The following MED17 variants were observed in gnomAD, a reference collection of about 807,000 sequenced individuals.
The protein encoded by MED17 is mediator of RNA polymerase II transcription subunit 17.
MED17 carries 49 observed loss-of-function variants against 80.8 expected under a neutral mutation model. That is an observed-to-expected ratio of 0.61 (90% CI 0.48 to 0.77). The LOEUF (loss-of-function observed/expected upper bound fraction) is 0.77, where lower values mean the gene tolerates loss of function less well. Among genes scored for constraint, MED17 ranks in the 30% least tolerant of loss-of-function variants. MED17 has a pLI of 0.00. For missense variants in MED17, 718 were observed against 787.0 expected, an observed-to-expected ratio of 0.91 and a Z score of 1.05; for synonymous variants, 281 against 280.4, an observed-to-expected ratio of 1.00 and a Z score of -0.02.
intron 1 of MED17, among the ~76,000 whole-genome samples, chr11:93,786,571 G>T (rs658797): frequency 0.56 from 84,552 of 151,658 alleles, 25,168 homozygotes; most frequent in East Asian, 0.75. Flanking sequence ...GATTCAAAAC[G>T]ATTCTCCCAC....
At chr11:93,806,717 C>T (rs1378056939) in intron 9 of MED17, 1 of 152,194 alleles carries the variant, frequency 6.6e-6, no homozygotes, top group African/African-American at 2.4e-5. Context: ...TACTAGGCAA[C>T]ATTGCTTATA....
intron 3 of MED17, among the ~76,000 whole-genome samples, chr11:93,791,700 C>A (rs1364226625): frequency 1.3e-5 from 2 of 151,244 alleles, no homozygotes. Context: ...TCAAAAAAAA[C>A]CCCAAAAAAA....
At chr11:93,796,607 C>T (rs1220196320) in intron 7 of MED17, 67 bp downstream of exon 7, 10 of 1,549,030 alleles carry the variant, frequency 6.5e-6, no homozygotes, top group Non-Finnish European at 8.9e-6. Flanking sequence ...ATGCACAAAG[C>T]TCCTCTCGTC....
In MED17 at chr11:93,803,995, GTGTGTATATATATATATATATATA is replaced by G. The variant is rs1943993288; in HGVS notation, c.1466+2025_1466+2048del. On this transcript the variant is annotated intron_variant, in intron 9 of 11. Transcript: ENST00000251871. ...TATGTGTGTGTGTGTGTATATATGT[GTGTGTATATATATATATATATATA>G]TATATATACACACACACATATACAC... 0.012 allele frequency among the ~76,000 whole-genome samples: 36 copies of G among 2,936 alleles called. No individual in the cohort carries two copies. The Admixed American group carries it at 0.18, about 15-fold the overall frequency. 1.9% of individuals were successfully genotyped at this position (2,936 alleles called of 152,430 possible). A position where few individuals can be genotyped will look rare whatever the true frequency, so the allele number is the denominator to read the frequency against.
In MED17 at chr11:93,801,909, A is replaced by G. The variant is rs751540459; in HGVS notation, c.1403A>G (p.Asn468Ser). The change falls in exon 9 of 12, where the codon AAT becomes AGT. Residue 468 changes from asparagine (N) to serine (S), a missense_variant. Physicochemically the swap from Asn to Ser is conservative, Grantham distance 46 (BLOSUM62 1). Coordinates refer to ENST00000251871, the MANE Select transcript of MED17 (RefSeq NM_004268.5). ...ATACAGGCTCATTGGTCAAATATCA[A>G]TGATGTTTATGAATCTAGTGTGAAA... is the stretch of plus-strand genomic sequence containing the variant. ...PQIQAHWSNINDVYESSVKVL... is the reference protein window; with the variant it reads ...PQIQAHWSNISDVYESSVKVL... 4 of 1,613,140 alleles carry G rather than the reference A, an allele frequency of 2.5e-6. No individual in the cohort carries two copies. The highest frequency in any genetic ancestry group is 2.2e-5 in the East Asian group (1 of 44,860).
intron 9 of MED17, among the ~76,000 whole-genome samples, chr11:93,803,656 C>T (rs1441126405): frequency 6.6e-6 from 1 of 152,022 alleles, no homozygotes; most frequent in African/African-American, 2.4e-5. Context: ...AAGCCTTTTG[C>T]CCTCCTACTG....
chr11:93,811,901 G>T lies in MED17; in HGVS notation c.1793G>T (p.Arg598Leu). ...SGSKIMVQFP[R>L]NQCKDLPKSD... ...AGCAAGATTATGGTTCAGTTTCCTCGTAACCAATGTAAAGACCTTCCAAAA... is the reference window on the plus strand; with the variant it reads ...AGCAAGATTATGGTTCAGTTTCCTCTTAACCAATGTAAAGACCTTCCAAAA... The change falls in exon 12 of 12, where the codon CGT becomes CTT. Residue 598 changes from arginine to leucine, a missense_variant. By Grantham distance (102) the Arg-to-Leu change is moderately radical. Coordinates refer to ENST00000251871, the MANE Select transcript of MED17 (RefSeq NM_004268.5). The T allele has an allele frequency of 6.2e-7, 1 of 1,613,974 alleles. No individual in the cohort carries two copies. Among genetic ancestry groups the T allele is most frequent in the South Asian group, 1.1e-5 (1 of 91,076 alleles).
At chr11:93,789,968 A>G (rs988409465) in intron 2 of MED17, among the ~76,000 whole-genome samples, 1 of 152,190 alleles carries the variant, frequency 6.6e-6, no homozygotes, top group Non-Finnish European at 1.5e-5. Context: ...AAAAGAAAAA[A>G]AGTTAATGCT....
At position 93,813,043 on chromosome 11, in the gene MED17, C is replaced by T. The variant is rs1170668014; in HGVS notation, c.*979C>T. ...CCATCAGCTCTCTGCTTTTTCAAAG[C>T]GAAAAAACTAATGGATTAGTGGGTT... On this transcript the variant is annotated 3_prime_UTR_variant, in exon 12 of 12. Coordinates refer to ENST00000251871, the MANE Select transcript of MED17 (RefSeq NM_004268.5). The T allele has an allele frequency of 2.0e-5, 3 of 152,046 alleles. No homozygotes were observed. The highest frequency in any genetic ancestry group is 4.8e-5 in the African/African-American group (2 of 41,402). 9.4% of individuals were successfully genotyped at this position (152,046 alleles called of 1,614,324 possible). A position where few individuals can be genotyped will look rare whatever the true frequency, so the allele number is the denominator to read the frequency against.
chr11:93,802,503 G>T lies in MED17; in HGVS notation c.1466+531G>T, dbSNP rs370249870. 2.0e-5 allele frequency among the ~76,000 whole-genome samples: 3 copies of T among 152,110 alleles called. No homozygotes were observed. The East Asian group carries it at 5.8e-4, about 29-fold the overall frequency. ...GAGAGGTAACAATGTCTAAAAACTA[G>T]TCTTTATTAAGTAAATGTCACATAT... On this transcript the variant is annotated intron_variant, in intron 9 of 11. Coordinates refer to ENST00000251871, the MANE Select transcript of MED17 (RefSeq NM_004268.5).
At chr11:93,811,781 T>C (rs143143007) in intron 11 of MED17, 72 bp from the exon 12 acceptor site, 7 of 1,314,532 alleles carry the variant, frequency 5.3e-6, no homozygotes, top group South Asian at 4.8e-5. Flanking sequence ...TAGAATGGAG[T>C]TGTGGGATTT....
intron 1 of MED17, chr11:93,785,080 TC>T (rs1943755033): frequency 4.3e-6 from 2 of 468,608 alleles, no homozygotes; most frequent in South Asian, 5.3e-5. Flanking sequence ...GAGCCCTAGA[TC>T]GGGGCTCTGC....
At chr11:93,804,165 A>G (rs1368540974) in intron 9 of MED17, among the ~76,000 whole-genome samples, 1 of 151,906 alleles carries the variant, frequency 6.6e-6, no homozygotes, top group African/African-American at 2.4e-5. Flanking sequence ...TCCAAAACTA[A>G]AGAACCTGGA....
rs563610808 is a variant in MED17, at chr11:93,799,915, CCTT to C, written c.1329-1917_1329-1915del. 3.6e-3 allele frequency among the ~76,000 whole-genome samples: 541 copies of C among 152,084 alleles called. 2 individuals carry two copies. Among genetic ancestry groups the C allele is most frequent in the Non-Finnish European group, 5.6e-3 (382 of 68,008 alleles). On this transcript the variant is annotated intron_variant, in intron 8 of 11. Transcript: ENST00000251871. The stretch of plus-strand genomic sequence containing the variant: ...AATCGGAGTTTATAAAATTTTATAT[CCTT>C]CTGAGTTCATACCTCAGGGGTGACA...
At position 93,796,499 on chromosome 11, in the gene MED17, C is replaced by G; in HGVS notation, c.1102C>G (p.Leu368Val). Reference protein sequence around the residue: ...ATEKQCPEDHLYVLEHNLHLL... With the variant: ...ATEKQCPEDHVYVLEHNLHLL... ...TGAGAAGCAATGTCCGGAGGACCAC[C>G]TTTATGTCCTAGAGCATAATTTGCA... Residue 368 changes from leucine to valine, a missense_variant, in exon 7 of 12, where the codon CTT becomes GTT. By Grantham distance (32) the Leu-to-Val change is conservative (BLOSUM62 1). Coordinates refer to ENST00000251871, the MANE Select transcript of MED17 (RefSeq NM_004268.5). The G allele has an allele frequency of 6.8e-6, 11 of 1,614,032 alleles. No homozygotes were observed. The highest frequency in any genetic ancestry group is 9.3e-6 in the Non-Finnish European group (11 of 1,179,938).
chr11:93,790,756 AGAT>A lies in MED17; in HGVS notation c.601_603del (p.Asp201del). 6.2e-7 allele frequency: 1 copy of A among 1,614,220 alleles called. No individual in the cohort carries two copies. Among genetic ancestry groups the A allele is most frequent in the Non-Finnish European group, 8.5e-7 (1 of 1,180,036 alleles). ...AACACTGGAAACTTCGAAAAGTTGGAGATAAAATTCTCGGAGATCTGAGCTACA... is the reference window on the plus strand; with the variant it reads ...AACACTGGAAACTTCGAAAAGTTGGAAAAATTCTCGGAGATCTGAGCTACA... On this transcript the variant is annotated inframe_deletion, in exon 3 of 12. Coordinates refer to ENST00000251871, the MANE Select transcript of MED17 (RefSeq NM_004268.5).
Position 93,784,405 on chromosome 11 carries a change from C to T in MED17, c.-109C>T. 7.1e-7 allele frequency: 1 copy of T among 1,408,800 alleles called. No homozygotes were observed. 87.3% of individuals were successfully genotyped at this position (1,408,800 alleles called of 1,614,324 possible). On this transcript the variant is annotated 5_prime_UTR_variant, in exon 1 of 12. Coordinates refer to ENST00000251871, the MANE Select transcript of MED17 (RefSeq NM_004268.5). The stretch of plus-strand genomic sequence containing the variant: ...GGTTTCCCGAGGGTCTTCTGAGGCA[C>T]CGCGGCTGCGGGCTTCTGAGTTCCC...
At position 93,796,841 on chromosome 11, in the gene MED17, C is replaced by G. The variant is rs574672235; in HGVS notation, c.1143+301C>G. ...GACCGGGGGAGTTAAGGGAAAATGTCTTGCCAGAGTCTGTGAACAGACTAG... is the reference window on the plus strand; with the variant it reads ...GACCGGGGGAGTTAAGGGAAAATGTGTTGCCAGAGTCTGTGAACAGACTAG... On this transcript the variant is annotated intron_variant, in intron 7 of 11. Coordinates refer to ENST00000251871, the MANE Select transcript of MED17 (RefSeq NM_004268.5). 14 of 385,470 alleles carry G rather than the reference C, an allele frequency of 3.6e-5. No homozygotes were observed. In the Middle Eastern group the frequency reaches 3.5e-3, roughly 95 times the overall value. The allele number at this position is 385,470 out of a possible 1,614,324, so 23.9% of individuals were successfully genotyped here.
intron 1 of MED17, 48 bp downstream of exon 1, chr11:93,784,811 C>T (rs765169594): frequency 4.6e-6 from 7 of 1,530,880 alleles, no homozygotes; most frequent in South Asian, 3.6e-5. Flanking sequence ...GGTCCCAGCA[C>T]CCGCGCGGGC....
Sources: allele counts gnomAD v4.1 joint callset (sites outside exome capture counted in the v4.1 genomes callset), GRCh38; gene constraint gnomAD v4.1.1; transcripts MANE v1.5; gene names NCBI Gene and HGNC (gene_info 2026-07-23, HGNC 2026-07-21).